RPS6KL1: variants seen among roughly 807,000 people sequenced by gnomAD.
RPS6KL1 encodes ribosomal protein S6 kinase like 1.
In RPS6KL1, 41 loss-of-function variants were observed where a neutral mutation model predicts 57.0. That is an observed-to-expected ratio of 0.72 (90% confidence interval 0.56 to 0.93). The LOEUF is 0.93. Ranked by LOEUF, RPS6KL1 falls within the 40% of genes least tolerant of loss-of-function variation. The probability of loss-of-function intolerance (pLI) is 0.00; values close to 1 mark genes in which losing one functional copy is unlikely to be tolerated. For synonymous variants in RPS6KL1, 287 were observed against 309.7 expected (o/e 0.93, Z 0.77); for missense variants, 697 against 727.7 (o/e 0.96, Z 0.49).
At chr14:74,915,653 C>T (rs915597827) in intron 5 of RPS6KL1, among the ~76,000 whole-genome samples, 1 of 152,116 alleles carries the variant, frequency 6.6e-6, no homozygotes, top group African/African-American at 2.4e-5. Context: ...GCTGGTGCCC[C>T]GTCTAAGGCA....
At chr14:74,909,299 G>A in intron 8 of RPS6KL1, 109 bp from the exon 9 acceptor site, 1 of 1,185,564 alleles carries the variant, frequency 8.4e-7, no homozygotes, top group Non-Finnish European at 1.2e-6. Context: ...CAATGGCCTT[G>A]CTGGGCAGAA....
intron 4 of RPS6KL1, among the ~76,000 whole-genome samples, chr14:74,918,983 C>T (rs987334691): frequency 2.0e-5 from 3 of 152,212 alleles, no homozygotes; most frequent in African/African-American, 7.2e-5. Context: ...TGAGATCAGC[C>T]TGGCCAACAT....
Position 74,906,629 on chromosome 14 carries a change from G to C in RPS6KL1, c.*385C>G, listed in dbSNP as rs1884916491. 1 of 534,062 alleles carries C rather than the reference G, an allele frequency of 1.9e-6. No individual in the cohort carries two copies. The highest frequency in any genetic ancestry group is 3.8e-6 in the Non-Finnish European group (1 of 261,986). The allele number at this position is 534,062 out of a possible 1,614,324, so 33.1% of individuals were successfully genotyped here. A position where few individuals can be genotyped will look rare whatever the true frequency, so the allele number is the denominator to read the frequency against. ...TGAGTCTCCAGAGATGTCCTGAGTGGGGCACAACATGGCAGTGAGTGAGTC... is the reference window on the plus strand; with the variant it reads ...TGAGTCTCCAGAGATGTCCTGAGTGCGGCACAACATGGCAGTGAGTGAGTC... On this transcript the variant is annotated 3_prime_UTR_variant, in exon 12 of 12. Transcript: ENST00000557413.
intron 7 of RPS6KL1, 54 bp from the exon 8 acceptor site, chr14:74,910,202 G>C: frequency 6.7e-7 from 1 of 1,483,746 alleles, no homozygotes; most frequent in Non-Finnish European, 8.9e-7. Context: ...AAAGAGTATG[G>C]ATGCCAGGGC....
intron 5 of RPS6KL1, among the ~76,000 whole-genome samples, chr14:74,916,111 T>C (rs1053023810): frequency 6.6e-6 from 1 of 152,174 alleles, no homozygotes; most frequent in African/African-American, 2.4e-5. Context: ...AGCAAGCCCT[T>C]TGCTTCCTCC....
intron 5 of RPS6KL1, among the ~76,000 whole-genome samples, chr14:74,915,004 G>A (rs529965235): frequency 1.3e-5 from 2 of 152,262 alleles, no homozygotes; most frequent in South Asian, 4.1e-4. Context: ...GAGCCGCTGC[G>A]CCCAGCCCCG....
intron 5 of RPS6KL1, among the ~76,000 whole-genome samples, chr14:74,913,181 G>C (rs56324253): frequency 0.036 from 5,486 of 152,288 alleles, 140 homozygotes; most frequent in African/African-American, 0.07. Context: ...TGGGCAAATT[G>C]AATTGATTTT....
In RPS6KL1 at chr14:74,911,728, A is replaced by G. The variant is rs571871283; in HGVS notation, c.531+66T>C. ...GCTTCAAATGCAGGTTCTGGGTAGGAGTTTCCAAGAGCCCTGAGAAAGATC... is the reference window on the plus strand; with the variant it reads ...GCTTCAAATGCAGGTTCTGGGTAGGGGTTTCCAAGAGCCCTGAGAAAGATC... On this transcript the variant is annotated intron_variant, in intron 6 of 11. Coordinates refer to ENST00000557413, the MANE Select transcript of RPS6KL1 (RefSeq NM_031464.5). 2.1e-6 allele frequency: 3 copies of G among 1,424,976 alleles called. No individual in the cohort carries two copies. In the South Asian group the frequency reaches 3.7e-5, roughly 18 times the overall value. 88.3% of individuals were successfully genotyped at this position (1,424,976 alleles called of 1,614,324 possible). A position where few individuals can be genotyped will look rare whatever the true frequency, so the allele number is the denominator to read the frequency against.
chr14:74,916,314 AGGATCTCAGGAG>A (rs1886836530), intron 5 of RPS6KL1, among the ~76,000 whole-genome samples: 1 of 152,218 alleles, frequency 6.6e-6, no homozygotes, highest in Non-Finnish European at 1.5e-5. Context: ...GAAAGGAAGT[AGGATCTCAGGAG>A]GGAGGTGAAG....
In RPS6KL1 at chr14:74,906,646, G is replaced by T. The variant is rs777219135; in HGVS notation, c.*368C>A. The T allele has an allele frequency of 1.9e-6, 1 of 534,994 alleles. No individual in the cohort carries two copies. The highest frequency in any genetic ancestry group is 1.9e-5 in the African/African-American group (1 of 52,558). 33.1% of individuals were successfully genotyped at this position (534,994 alleles called of 1,614,324 possible). On this transcript the variant is annotated 3_prime_UTR_variant, in exon 12 of 12. Transcript: ENST00000557413. The stretch of plus-strand genomic sequence containing the variant: ...CCTGAGTGGGGCACAACATGGCAGT[G>T]AGTGAGTCACAGAACCTCACAGTAG...
chr14:74,915,863 G>A (rs1886748444), intron 5 of RPS6KL1, among the ~76,000 whole-genome samples: 1 of 152,212 alleles, frequency 6.6e-6, no homozygotes, highest in African/African-American at 2.4e-5. Context: ...AAGAAGAAGT[G>A]ACTTGGATGA....
Position 74,911,923 on chromosome 14 carries a change from T to C in RPS6KL1, c.484-82A>G. The C allele has an allele frequency of 2.4e-6, 3 of 1,245,788 alleles. No individual in the cohort carries two copies. The South Asian group carries it at 3.9e-5, about 16-fold the overall frequency. 77.2% of individuals were successfully genotyped at this position (1,245,788 alleles called of 1,614,324 possible). Reference sequence around the variant, plus strand: ...ACCCCAGCCTGACCCCCTCCCAGGTTCCTCCACTGAGGCTGACTCACTCCA... The same window carrying C: ...ACCCCAGCCTGACCCCCTCCCAGGTCCCTCCACTGAGGCTGACTCACTCCA... On this transcript the variant is annotated intron_variant, in intron 5 of 11. Transcript: ENST00000557413.
intron 5 of RPS6KL1, among the ~76,000 whole-genome samples, chr14:74,916,247 A>G (rs1034194165): frequency 6.6e-6 from 1 of 152,208 alleles, no homozygotes; most frequent in Non-Finnish European, 1.5e-5. Context: ...GCCCAGGGGC[A>G]GTAACACCTT....
At chr14:74,922,831 G>A (rs1310132797) in intron 1 of RPS6KL1, among the ~76,000 whole-genome samples, 1 of 152,250 alleles carries the variant, frequency 6.6e-6, no homozygotes, top group Non-Finnish European at 1.5e-5. Flanking sequence ...CAGGATGGGC[G>A]GTGGGGCGGG....
rs1396890892 is a variant in RPS6KL1 at position 74,909,247 on chromosome 14, AG to A, written c.1271-58del. On this transcript the variant is annotated intron_variant, in intron 8 of 11. Transcript: ENST00000557413. ...AGATTGAGGACAGCTGATACAGGGG[AG>A]GGGGTTGCAGGGCTTCCCCCAACAG... The A allele has an allele frequency of 8.0e-6, 12 of 1,509,352 alleles. No homozygotes were observed. In the South Asian group the frequency reaches 1.2e-4, roughly 16 times the overall value. 93.5% of individuals were successfully genotyped at this position (1,509,352 alleles called of 1,614,324 possible).
chr14:74,911,951 G>A (rs929244276), intron 5 of RPS6KL1, 110 bp from the exon 6 acceptor site: 18 of 859,542 alleles, frequency 2.1e-5, no homozygotes, highest in Middle Eastern at 6.5e-4. Context: ...TCACTCCAGT[G>A]GCAGGGCAGG....
chr14:74,917,097 C>T (rs373916521), intron 5 of RPS6KL1, among the ~76,000 whole-genome samples: 110 of 152,344 alleles, frequency 7.2e-4, no homozygotes, highest in African/African-American at 2.5e-3. Context: ...GGACCTGCCC[C>T]AGGGACCCAG....
Position 74,905,815 on chromosome 14 carries a change from T to TGG in RPS6KL1, c.*1197_*1198dup, listed in dbSNP as rs1371285728. The TGG allele has an allele frequency of 6.6e-6, 1 of 152,638 alleles. No homozygotes were observed. Among genetic ancestry groups the TGG allele is most frequent in the Non-Finnish European group, 1.5e-5 (1 of 68,416 alleles). The allele number at this position is 152,638 out of a possible 1,614,324, so 9.5% of individuals were successfully genotyped here. On this transcript the variant is annotated 3_prime_UTR_variant, in exon 12 of 12. Coordinates refer to ENST00000557413, the MANE Select transcript of RPS6KL1 (RefSeq NM_031464.5). ...TGAGTGAGGGGTCTGGTCTGACAGT[T>TGG]GGGCCTTCAGAGCCAGGCACGTGGA...
chr14:74,912,412 A>G (rs1182651027), intron 5 of RPS6KL1, among the ~76,000 whole-genome samples: 2 of 152,054 alleles, frequency 1.3e-5, no homozygotes, highest in Non-Finnish European at 2.9e-5. Context: ...TGGACCCCAG[A>G]GATCAACTGA....
Sources: allele counts gnomAD v4.1 joint callset (sites outside exome capture counted in the v4.1 genomes callset), GRCh38; gene constraint gnomAD v4.1.1; transcripts MANE v1.5; gene names NCBI Gene and HGNC (gene_info 2026-07-23, HGNC 2026-07-21).